Variants in ATP1A2 observed in about 807,000 individuals in gnomAD.
ATP1A2 encodes the protein ATPase Na+/K+ transporting subunit alpha 2.
In ATP1A2, 56 loss-of-function variants were observed where a neutral mutation model predicts 113.1. The observed-to-expected ratio is 0.49, with a 90% CI of 0.40 to 0.62. ATP1A2 has a LOEUF of 0.62. ATP1A2 is among the 20% of genes least tolerant of loss of function. The pLI, the probability that ATP1A2 is intolerant of heterozygous loss-of-function variation, is 0.00. For missense variants in ATP1A2, 712 were observed against 1,357.8 expected (o/e 0.52, Z 7.47); for synonymous variants, 490 against 526.8 (o/e 0.93, Z 0.96).
Position 160,135,980 on chromosome 1 carries a change from T to A in ATP1A2, c.2426T>A (p.Leu809Gln). The stretch of plus-strand genomic sequence containing the variant: ...ACTGTGACCATCCTTTGCATTGACC[T>A]GGGCACAGATATGGTGAGCGCAGGA... The part of the protein sequence containing the change: ...LGTVTILCID[L>Q]GTDMVPAISL... The change falls in exon 17 of 23, where the codon CTG becomes CAG. Residue 809 changes from leucine (L) to glutamine (Q), a missense_variant. Coordinates refer to ENST00000361216, the MANE Select transcript of ATP1A2 (RefSeq NM_000702.4). This position sits in a 1 kb window ranked among gnomAD's most constrained non-coding sequence, Gnocchi z 6.3. 1 of 1,613,968 alleles carries A rather than the reference T, an allele frequency of 6.2e-7. No individual in the cohort carries two copies. Among genetic ancestry groups the A allele is most frequent in the Non-Finnish European group, 8.5e-7 (1 of 1,179,982 alleles).
rs1190493147 is a variant in ATP1A2 at position 160,123,926 on chromosome 1, C to T, written c.382-17C>T. ...TGGGGGGAAGGTCAGGTCCCTGAAA[C>T]TCTTTCTCCTTACCAGCTATATCTG... On this transcript the variant is annotated splice_polypyrimidine_tract_variant and intron_variant, in intron 4 of 22. Transcript: ENST00000361216. The T allele has an allele frequency of 6.2e-7, 1 of 1,613,184 alleles. No homozygotes were observed. The highest frequency in any genetic ancestry group is 1.7e-5 in the Admixed American group (1 of 59,986).
At chr1:160,136,515 GC>G in intron 18 of ATP1A2, 54 bp from the exon 19 acceptor site, 2 of 1,613,872 alleles carry the variant, frequency 1.2e-6, no homozygotes, top group East Asian at 4.5e-5. Flanking sequence ...GAGGGGCTGT[GC>G]CCCTTCTGCT....
chr1:160,121,213 G>A lies in ATP1A2; in HGVS notation c.139G>A (p.Asp47Asn). 6.2e-7 allele frequency: 1 copy of A among 1,614,202 alleles called. No homozygotes were observed. Among genetic ancestry groups the A allele is most frequent in the Non-Finnish European group, 8.5e-7 (1 of 1,180,040 alleles). The change falls in exon 3 of 23, where the codon GAT becomes AAT. Residue 47 changes from aspartate (D) to asparagine (N), a missense_variant. Transcript: ENST00000361216. ...VAMDDHKLSLDELGRKYQVDL... is the reference protein window; with the variant it reads ...VAMDDHKLSLNELGRKYQVDL... Reference sequence around the variant, plus strand: ...CCAGGATGACCACAAGCTGTCCTTGGATGAGCTGGGCCGCAAATACCAAGT... The same window carrying A: ...CCAGGATGACCACAAGCTGTCCTTGAATGAGCTGGGCCGCAAATACCAAGT...
At chr1:160,121,110 C>A in intron 2 of ATP1A2, 82 bp from the exon 3 acceptor site, 1 of 1,599,320 alleles carries the variant, frequency 6.3e-7, no homozygotes, top group South Asian at 1.1e-5. Flanking sequence ...CCATGCTGCT[C>A]AACTCACCCC....
At chr1:160,120,785 C>G in intron 1 of ATP1A2, 121 bp from the exon 2 acceptor site, 1 of 1,045,076 alleles carries the variant, frequency 9.6e-7, no homozygotes, top group Middle Eastern at 3.0e-4. Context: ...CCTATCTCCC[C>G]CAAGGCAGCC....
In ATP1A2 at chr1:160,135,383, G is replaced by A. The variant is rs752090704; in HGVS notation, c.2116-51G>A. 2 of 1,614,234 alleles carry A rather than the reference G, an allele frequency of 1.2e-6. No individual in the cohort carries two copies. Among genetic ancestry groups the A allele is most frequent in the Non-Finnish European group, 1.7e-6 (2 of 1,180,040 alleles). ...ACAAGCATGGAGTGAGAGGCGAGGAGCCAGGCTTGGGAAGGGGTTTCGTCC... is the reference window on the plus strand; with the variant it reads ...ACAAGCATGGAGTGAGAGGCGAGGAACCAGGCTTGGGAAGGGGTTTCGTCC... On this transcript the variant is annotated intron_variant, in intron 15 of 22. Transcript: ENST00000361216. This position sits in a 1 kb window ranked among gnomAD's most constrained non-coding sequence, Gnocchi z 6.3.
In ATP1A2 at chr1:160,127,667, C is replaced by T; in HGVS notation, c.864C>T (p.His288=). Residue 288 remains histidine (H), a synonymous_variant, in exon 8 of 23, where the codon CAC becomes CAT. Coordinates refer to ENST00000361216, the MANE Select transcript of ATP1A2 (RefSeq NM_000702.4). ...GRTPIAMEIE[H]FIQLITGVAV... is the part of the protein sequence containing the mutation. ...CACCCATAGCAATGGAGATTGAACA[C>T]TTCATCCAGCTGATCACAGGGGTCG... The T allele has an allele frequency of 6.2e-7, 1 of 1,614,256 alleles. No individual in the cohort carries two copies. The highest frequency in any genetic ancestry group is 1.6e-4 in the Middle Eastern group (1 of 6,062).
chr1:160,115,989 T>C, intron 1 of ATP1A2, 116 bp downstream of exon 1: 1 of 1,486,548 alleles, frequency 6.7e-7, no homozygotes, highest in Non-Finnish European at 9.2e-7. Context: ...AGTGGGATAC[T>C]TGGAACTTGA....
chr1:160,124,144 TAG>T, intron 5 of ATP1A2, 88 bp downstream of exon 5: 2 of 1,573,664 alleles, frequency 1.3e-6, no homozygotes, highest in South Asian at 2.3e-5. Flanking sequence ...GGCTCTAAGA[TAG>T]AGATGGACAG....
At chr1:160,121,808 C>A (rs1323673685) in intron 3 of ATP1A2, among the ~76,000 whole-genome samples, 1 of 152,190 alleles carries the variant, frequency 6.6e-6, no homozygotes, top group Non-Finnish European at 1.5e-5. Flanking sequence ...AATTGCTAAG[C>A]CCTTCAATTA....
Position 160,134,588 on chromosome 1 carries a change from G to A in ATP1A2, c.1932G>A (p.Arg644=), listed in dbSNP as rs752687328. Residue 644 remains arginine (R), a synonymous_variant, in exon 14 of 23, where the codon CGG becomes CGA. Transcript: ENST00000361216. ...AGACTGTGGAGGACATTGCAGCCCG[G>A]CTCAACATTCCCATGAGTCAAGTCA... ...GNETVEDIAA[R]LNIPMSQVNP... is the part of the protein sequence containing the mutation. 6.8e-6 allele frequency: 11 copies of A among 1,614,102 alleles called. No homozygotes were observed. The highest frequency in any genetic ancestry group is 9.3e-6 in the Non-Finnish European group (11 of 1,180,044).
At chr1:160,120,776 C>G in intron 1 of ATP1A2, 130 bp from the exon 2 acceptor site, 1 of 916,004 alleles carries the variant, frequency 1.1e-6, no homozygotes, top group Non-Finnish European at 1.7e-6. Context: ...TCCATCCCCC[C>G]TATCTCCCCC....
intron 13 of ATP1A2, among the ~76,000 whole-genome samples, chr1:160,132,092 A>G (rs1351963605): frequency 6.6e-6 from 1 of 152,112 alleles, no homozygotes; most frequent in African/African-American, 2.4e-5. Flanking sequence ...TGACAAAAGG[A>G]ATGATATTTG....
At chr1:160,125,923 C>T (rs1011761073) in intron 7 of ATP1A2, among the ~76,000 whole-genome samples, 5 of 152,132 alleles carry the variant, frequency 3.3e-5, no homozygotes, top group African/African-American at 1.2e-4. Flanking sequence ...GTGGTAAAGC[C>T]AGTGAGCAGA....
intron 22 of ATP1A2, among the ~76,000 whole-genome samples, chr1:160,140,993 G>T (rs1652130202): frequency 1.3e-5 from 2 of 151,880 alleles, no homozygotes; most frequent in Admixed American, 6.6e-5. Flanking sequence ...CTCCAGAGTA[G>T]CTGGGATTGC....
rs1553245943 is a variant in ATP1A2, at chr1:160,137,001, G to A, written c.2810G>A (p.Arg937His). ...GCTGACCTCATCATCTGCAAGACCC[G>A]CCGCAACTCAGTCTTCCAGCAGGGC... ...QWADLIICKT[R>H]RNSVFQQGMK... Residue 937 changes from arginine to histidine, a missense_variant, in exon 20 of 23, where the codon CGC (arginine) becomes CAC (histidine). By Grantham distance (29) the Arg-to-His change is conservative (BLOSUM62 0). Transcript: ENST00000361216. 1.2e-6 allele frequency: 2 copies of A among 1,614,098 alleles called. No individual in the cohort carries two copies. The highest frequency in any genetic ancestry group is 8.5e-7 in the Non-Finnish European group (1 of 1,180,022).
chr1:160,123,805 C>T (rs1311868170), intron 4 of ATP1A2, 138 bp from the exon 5 acceptor site: 4 of 815,962 alleles, frequency 4.9e-6, no homozygotes. Context: ...AGGGCTTTCC[C>T]CTACCATCAT....
At chr1:160,125,063 G>A in intron 6 of ATP1A2, 73 bp from the exon 7 acceptor site, 1 of 1,187,928 alleles carries the variant, frequency 8.4e-7, no homozygotes, top group Non-Finnish European at 1.3e-6. Flanking sequence ...GTGGTTGGAG[G>A]TGGTTCAGGA....
chr1:160,130,369 G>A, intron 12 of ATP1A2, 53 bp from the exon 13 acceptor site: 1 of 1,614,118 alleles, frequency 6.2e-7, no homozygotes, highest in South Asian at 1.1e-5. Context: ...GACTGTGGGG[G>A]CGTCCAGGAA....
Sources: gnomAD v4.1 joint callset for allele counts (sites outside exome capture counted in the v4.1 genomes callset) on GRCh38, gnomAD v4.1.1 for gene constraint, Gnocchi (gnomAD v3.1) non-coding constraint, MANE v1.5 for transcripts, NCBI Gene and HGNC (gene_info 2026-07-23, HGNC 2026-07-21) for gene names.